EXOSC3: variants seen among roughly 807,000 people sequenced by gnomAD.
EXOSC3 encodes exosome complex component RRP40.
EXOSC3 carries 18 observed loss-of-function variants against 25.1 expected under a neutral mutation model. The observed-to-expected ratio is 0.72, with a 90% confidence interval of 0.50 to 1.06. The LOEUF is 1.06. Among genes scored for constraint, EXOSC3 ranks in the 50% least tolerant of loss-of-function variants. The pLI is 0.00. For synonymous variants in EXOSC3, 165 were observed against 132.2 expected, an observed-to-expected ratio of 1.25 and a Z score of -1.70; for missense variants, 382 against 350.9, an observed-to-expected ratio of 1.09 and a Z score of -0.71.
chr9:37,780,976 C>T (rs1181450601), intron 3 of EXOSC3, 96 bp from the exon 4 acceptor site: 9 of 1,029,424 alleles, frequency 8.7e-6, no homozygotes, highest in Non-Finnish European at 1.3e-5. Context: ...AGCAGTTCTC[C>T]ATAGCTGTTC....
In EXOSC3 at chr9:37,784,810, G is replaced by T; in HGVS notation, c.235C>A (p.Leu79Met). 1 of 1,608,234 alleles carries T rather than the reference G, an allele frequency of 6.2e-7. No individual in the cohort carries two copies. Residue 79 changes from leucine (L) to methionine (M), a missense_variant, in exon 1 of 4, where the codon CTG (leucine) becomes ATG (methionine). Leu to Met is a conservative substitution (Grantham distance 15). Coordinates refer to ENST00000327304, the MANE Select transcript of EXOSC3 (RefSeq NM_016042.4). ...CGGAGGCGGCCGCACTTGGTGACCA[G>T]CAGGCGGTCCCCACAGCGCCGAAGG... ...PGLRRCGDRL[L>M]VTKCGRLRHK... is the part of the protein sequence containing the mutation.
chr9:37,784,228 C>T (rs1171639162), intron 1 of EXOSC3, among the ~76,000 whole-genome samples, 165 bp from the exon 2 acceptor site: 1 of 152,194 alleles, frequency 6.6e-6, no homozygotes, highest in African/African-American at 2.4e-5. Context: ...GGGTGTGCAG[C>T]TTCTGGTAGT....
At chr9:37,782,300 A>G (rs970654451) in intron 2 of EXOSC3, among the ~76,000 whole-genome samples, 163 bp from the exon 3 acceptor site, 3 of 152,198 alleles carry the variant, frequency 2.0e-5, no homozygotes, top group South Asian at 2.1e-4. Flanking sequence ...AGTCTTGGGG[A>G]AAAAAAGGAA....
In EXOSC3 at chr9:37,784,971, C is replaced by G. The variant is rs1828678042; in HGVS notation, c.74G>C (p.Gly25Ala). ...SRARAARTVL[G>A]QVVLPGEELL... Reference sequence around the variant, plus strand: ...CTCCTCACCCGGGAGCACCACCTGACCTAGTACTGTGCGTGCAGCGCGCGC... The same window carrying G: ...CTCCTCACCCGGGAGCACCACCTGAGCTAGTACTGTGCGTGCAGCGCGCGC... Residue 25 changes from glycine to alanine, a missense_variant, in exon 1 of 4, where the codon GGT becomes GCT. Coordinates refer to ENST00000327304, the MANE Select transcript of EXOSC3 (RefSeq NM_016042.4). 1 of 1,612,918 alleles carries G rather than the reference C, an allele frequency of 6.2e-7. No individual in the cohort carries two copies. The highest frequency in any genetic ancestry group is 1.3e-5 in the African/African-American group (1 of 74,954).
At chr9:37,782,337 C>G (rs1028142259) in intron 2 of EXOSC3, among the ~76,000 whole-genome samples, 200 bp from the exon 3 acceptor site, 1 of 152,230 alleles carries the variant, frequency 6.6e-6, no homozygotes, top group Admixed American at 6.5e-5. Context: ...TTTCACCAAT[C>G]AGGAAATCAC....
intron 1 of EXOSC3, chr9:37,784,303 G>A: frequency 2.0e-6 from 1 of 507,548 alleles, no homozygotes; most frequent in Non-Finnish European, 3.4e-6. Context: ...CTAGCTTTGT[G>A]GCATAAGTCC....
At position 37,780,457 on chromosome 9, in the gene EXOSC3, G is replaced by GT. The variant is rs375551078; in HGVS notation, c.*221dup. 1 of 510,988 alleles carries GT rather than the reference G, an allele frequency of 2.0e-6. No homozygotes were observed. Among genetic ancestry groups the GT allele is most frequent in the African/African-American group, 1.9e-5 (1 of 51,662 alleles). 31.7% of individuals were successfully genotyped at this position (510,988 alleles called of 1,614,324 possible). A position where few individuals can be genotyped will look rare whatever the true frequency, so the allele number is the denominator to read the frequency against. ...TTAACTCCAAATAAACCCTAATACTGTTTTTTAGTAAACTTTATTGTACCG... is the reference window on the plus strand; with the variant it reads ...TTAACTCCAAATAAACCCTAATACTGTTTTTTTAGTAAACTTTATTGTACCG... On this transcript the variant is annotated 3_prime_UTR_variant, in exon 4 of 4. Transcript: ENST00000327304.
At position 37,780,485 on chromosome 9, in the gene EXOSC3, C is replaced by G. The variant is rs886063933; in HGVS notation, c.*194G>C. On this transcript the variant is annotated 3_prime_UTR_variant, in exon 4 of 4. Transcript: ENST00000327304. ...TTTTAGTAAACTTTATTGTACCGAACAAAAAAAATGATTTTGCAATGATTT... is the reference window on the plus strand; with the variant it reads ...TTTTAGTAAACTTTATTGTACCGAAGAAAAAAAATGATTTTGCAATGATTT... 1.8e-5 allele frequency: 10 copies of G among 571,316 alleles called. No homozygotes were observed. The highest frequency in any genetic ancestry group is 6.5e-5 in the Admixed American group (2 of 30,652). 35.4% of individuals were successfully genotyped at this position (571,316 alleles called of 1,614,324 possible). A position where few individuals can be genotyped will look rare whatever the true frequency, so the allele number is the denominator to read the frequency against.
At position 37,782,031 on chromosome 9, in the gene EXOSC3, C is replaced by T. The variant is rs1828607322; in HGVS notation, c.581G>A (p.Gly194Glu). 1.2e-6 allele frequency: 2 copies of T among 1,613,906 alleles called. No individual in the cohort carries two copies. The highest frequency in any genetic ancestry group is 2.7e-5 in the African/African-American group (2 of 74,938). The change falls in exon 3 of 4, where the codon GGA becomes GAA. Residue 194 changes from glycine to glutamate, a missense_variant. Coordinates refer to ENST00000327304, the MANE Select transcript of EXOSC3 (RefSeq NM_016042.4). ...CGRANGMGVI[G>E]QDGLLFKVTL... ...CACTTTAAAAAGCAGACCATCCTGT[C>T]CAATGACACCCATTCCATTGGCTCG...
rs747883936 is a variant in EXOSC3 at position 37,784,001 on chromosome 9, G to A, written c.387C>T (p.Phe129=). The A allele has an allele frequency of 6.2e-7, 1 of 1,613,946 alleles. No homozygotes were observed. ...GCTCACTCCCTCCAACATCAACTTT[G>A]AATATATCTCCAGATTTAGCTGTCA... ...GIVTAKSGDI[F]KVDVGGSEPA... Residue 129 remains phenylalanine, a synonymous_variant, in exon 2 of 4, where the codon TTC becomes TTT. Transcript: ENST00000327304.
Position 37,784,858 on chromosome 9 carries a change from C to T in EXOSC3, c.187G>A (p.Val63Met). The change falls in exon 1 of 4, where the codon GTG (valine) becomes ATG (methionine). Residue 63 changes from valine (V) to methionine (M), a missense_variant. Coordinates refer to ENST00000327304, the MANE Select transcript of EXOSC3 (RefSeq NM_016042.4). ...LSLNARACSR[V>M]RVVCGPGLRR... ...AGGCCCGGACCGCATACAACGCGCA[C>T]CCGCGAGCACGCTCTAGCATTCAGG... The T allele has an allele frequency of 6.2e-7, 1 of 1,607,800 alleles. No individual in the cohort carries two copies. The highest frequency in any genetic ancestry group is 1.1e-5 in the South Asian group (1 of 90,170).
Position 37,785,055 on chromosome 9 carries a change from A to C in EXOSC3, c.-11T>G. On this transcript the variant is annotated 5_prime_UTR_variant, in exon 1 of 4. Coordinates refer to ENST00000327304, the MANE Select transcript of EXOSC3 (RefSeq NM_016042.4). ...CGCAGGTTCGGCCATCGCGGGCTCC[A>C]CCAAACACCGTTTCCGGTACCCGCC... 6.3e-7 allele frequency: 1 copy of C among 1,586,466 alleles called. No individual in the cohort carries two copies.
intron 2 of EXOSC3, 65 bp from the exon 3 acceptor site, chr9:37,782,202 T>C: frequency 6.4e-7 from 1 of 1,568,312 alleles, no homozygotes; most frequent in South Asian, 1.1e-5. Context: ...TATTGGTTCT[T>C]TCTCACAGGC....
chr9:37,783,859 A>G, intron 2 of EXOSC3, 55 bp downstream of exon 2: 1 of 1,563,470 alleles, frequency 6.4e-7, no homozygotes, highest in Non-Finnish European at 8.7e-7. Flanking sequence ...TGGATATGTG[A>G]GTGTTCTAGG....
chr9:37,783,890 G>GA, intron 2 of EXOSC3, 24 bp downstream of exon 2: 3 of 1,602,820 alleles, frequency 1.9e-6, no homozygotes, highest in Non-Finnish European at 2.5e-6. Flanking sequence ...TTGTTTCTTT[G>GA]AAACCAAAGG....
intron 1 of EXOSC3, 176 bp downstream of exon 1, chr9:37,784,545 T>C (rs567139531): frequency 1.1e-4 from 77 of 716,858 alleles, no homozygotes; most frequent in Non-Finnish European, 1.6e-4. Flanking sequence ...TCAGGCTATG[T>C]TCCTATTGTT....
chr9:37,781,180 T>C (rs912947359), intron 3 of EXOSC3, among the ~76,000 whole-genome samples: 3 of 152,060 alleles, frequency 2.0e-5, no homozygotes, highest in African/African-American at 4.8e-5. Context: ...CTGGGAATCA[T>C]AACTTTTTTT....
At position 37,784,973 on chromosome 9, in the gene EXOSC3, T is replaced by C. The variant is rs934951372; in HGVS notation, c.72A>G (p.Leu24=). 1.9e-6 allele frequency: 3 copies of C among 1,612,840 alleles called. No individual in the cohort carries two copies. Among genetic ancestry groups the C allele is most frequent in the African/African-American group, 2.7e-5 (2 of 75,054 alleles). ...GSRARAARTV[L]GQVVLPGEEL... The stretch of plus-strand genomic sequence containing the variant: ...CCTCACCCGGGAGCACCACCTGACC[T>C]AGTACTGTGCGTGCAGCGCGCGCCC... Residue 24 remains leucine (L), a synonymous_variant, in exon 1 of 4, where the codon CTA becomes CTG. Transcript: ENST00000327304.
rs1413733131 is a variant in EXOSC3, at chr9:37,779,859, TTACCTC to T, written c.*814_*819del. On this transcript the variant is annotated 3_prime_UTR_variant, in exon 4 of 4. Transcript: ENST00000327304. ...TGATGTGGATCACCTGGCAGTCTCT[TTACCTC>T]TAAAGGTTTTGGTTAATATACTAAA... The T allele has an allele frequency of 2.0e-5, 3 of 152,178 alleles. No homozygotes were observed. Among genetic ancestry groups the T allele is most frequent in the African/African-American group, 7.2e-5 (3 of 41,440 alleles). 9.4% of individuals were successfully genotyped at this position (152,178 alleles called of 1,614,324 possible). A position where few individuals can be genotyped will look rare whatever the true frequency, so the allele number is the denominator to read the frequency against.
Sources: gnomAD v4.1 joint callset for allele counts (sites outside exome capture counted in the v4.1 genomes callset) on GRCh38, gnomAD v4.1.1 for gene constraint, MANE v1.5 for transcripts, NCBI Gene and HGNC (gene_info 2026-07-23, HGNC 2026-07-21) for gene names.